The following TTC39B variants were observed in gnomAD, a reference collection of about 807,000 sequenced individuals.
The protein encoded by TTC39B is tetratricopeptide repeat protein 39B.
Under a neutral mutation model 96.6 loss-of-function variants are expected in TTC39B, and 92 were observed. The observed-to-expected ratio is 0.95, with a 90% CI of 0.80 to 1.13. The LOEUF is 1.13. TTC39B is among the 50% of genes most tolerant of loss of function. The pLI, the probability that TTC39B is intolerant of heterozygous loss-of-function variation, is 0.00. For missense variants in TTC39B, 955 were observed against 809.3 expected (o/e 1.18, Z -2.18); for synonymous variants, 367 against 299.4 (o/e 1.23, Z -2.33).
chr9:15,168,377 T>C (rs1817565543), exon 20 of TTC39B: 1 of 148,736 alleles, frequency 6.7e-6, no homozygotes, highest in Non-Finnish European at 1.5e-5. Context: ...TTTAACTAAA[T>C]GTATTTGAAT....
At chr9:15,273,543 G>C (rs1002327257) in intron 1 of TTC39B, among the ~76,000 whole-genome samples, 1 of 151,976 alleles carries the variant, frequency 6.6e-6, no homozygotes, top group African/African-American at 2.4e-5. Flanking sequence ...TTTCTCATAG[G>C]GATGACTTCA....
chr9:15,268,342 G>A (rs995086158), intron 1 of TTC39B, among the ~76,000 whole-genome samples: 5 of 152,056 alleles, frequency 3.3e-5, no homozygotes, highest in African/African-American at 9.7e-5. Flanking sequence ...AGCATCCTCT[G>A]GGCCTTCATT....
At chr9:15,201,135 A>G (rs1379439116) in intron 7 of TTC39B, among the ~76,000 whole-genome samples, 2 of 152,206 alleles carry the variant, frequency 1.3e-5, no homozygotes, top group South Asian at 2.1e-4. Flanking sequence ...TTAATGTTCT[A>G]ATTATTATAA....
Position 15,306,492 on chromosome 9 carries a change from C to G in TTC39B, c.240+592G>C, listed in dbSNP as rs565789265. On this transcript the variant is annotated intron_variant, in intron 1 of 19. Transcript: ENST00000512701. The surrounding 1 kb of genome is among the most constrained non-coding windows in gnomAD (Gnocchi z 5.1). ...GGCCCCGTGGAGGGAGAGGGAAGCA[C>G]CACAGCCTGGGCTGCGGCTCTAGCC... is the stretch of plus-strand genomic sequence containing the variant. Among the ~76,000 whole-genome samples the G allele has an allele frequency of 8.5e-5, 13 of 152,316 alleles. No homozygotes were observed. The Middle Eastern group carries it at 0.01, about 120-fold the overall frequency.
intron 1 of TTC39B, among the ~76,000 whole-genome samples, chr9:15,272,303 T>G (rs1823384623): frequency 6.6e-6 from 1 of 152,174 alleles, no homozygotes; most frequent in Non-Finnish European, 1.5e-5. Context: ...TTCTCCATAC[T>G]CACCATAAAT....
At chr9:15,244,028 A>G (rs1250607520) in intron 2 of TTC39B, among the ~76,000 whole-genome samples, 1 of 152,244 alleles carries the variant, frequency 6.6e-6, no homozygotes, top group Non-Finnish European at 1.5e-5. Context: ...CAAATTACTG[A>G]CCAAGTTGGA....
intron 1 of TTC39B, among the ~76,000 whole-genome samples, chr9:15,294,724 C>T (rs1303128588): frequency 6.6e-6 from 1 of 152,150 alleles, no homozygotes; most frequent in African/African-American, 2.4e-5. Flanking sequence ...CTTATTTATC[C>T]TACAGGACTC....
At chr9:15,271,573 T>C (rs1823354781) in intron 1 of TTC39B, among the ~76,000 whole-genome samples, 1 of 151,906 alleles carries the variant, frequency 6.6e-6, no homozygotes, top group Non-Finnish European at 1.5e-5. Flanking sequence ...CCTGAGACTC[T>C]CACGCCACCG....
At chr9:15,283,407 C>T (rs777566179) in intron 1 of TTC39B, among the ~76,000 whole-genome samples, 1 of 152,228 alleles carries the variant, frequency 6.6e-6, no homozygotes, top group African/African-American at 2.4e-5. Flanking sequence ...CACCTTTATG[C>T]ATTGTCTCAT....
chr9:15,229,527 T>C (rs2131418603), intron 2 of TTC39B, among the ~76,000 whole-genome samples: 1 of 152,362 alleles, frequency 6.6e-6, no homozygotes. Flanking sequence ...TTAACCAGTG[T>C]TGTGCATAAC....
At chr9:15,278,704 C>T (rs909269738) in intron 1 of TTC39B, among the ~76,000 whole-genome samples, 9 of 152,232 alleles carry the variant, frequency 5.9e-5, no homozygotes, top group African/African-American at 2.2e-4. Context: ...CAGAACTTTA[C>T]ACAGTTTCTT....
intron 7 of TTC39B, among the ~76,000 whole-genome samples, chr9:15,202,453 T>G (rs1819595016): frequency 6.6e-6 from 1 of 152,132 alleles, no homozygotes; most frequent in South Asian, 2.1e-4. Flanking sequence ...GGCTCACGTC[T>G]ATAATCCCAG....
intron 2 of TTC39B, among the ~76,000 whole-genome samples, chr9:15,239,591 A>G (rs1358944109): frequency 6.6e-6 from 1 of 152,260 alleles, no homozygotes; most frequent in East Asian, 1.9e-4. Context: ...AGCCACAAAA[A>G]GGAATGAAAT....
intron 1 of TTC39B, among the ~76,000 whole-genome samples, chr9:15,301,316 T>C (rs192202052): frequency 5.9e-4 from 90 of 152,324 alleles, no homozygotes; most frequent in Non-Finnish European, 1.0e-3. Flanking sequence ...AACCCAAAGA[T>C]AGAAATAGTA....
chr9:15,238,704 G>T (rs1821899027), intron 2 of TTC39B, among the ~76,000 whole-genome samples: 1 of 152,136 alleles, frequency 6.6e-6, no homozygotes, highest in Admixed American at 6.5e-5. Context: ...TGACCATATT[G>T]GCTGGGTGTG....
intron 2 of TTC39B, among the ~76,000 whole-genome samples, chr9:15,229,919 C>G (rs899185013): frequency 3.3e-5 from 5 of 152,264 alleles, no homozygotes; most frequent in Admixed American, 6.5e-5. Flanking sequence ...ACAAGCAAGT[C>G]CTGCTGGAGT....
intron 2 of TTC39B, among the ~76,000 whole-genome samples, chr9:15,246,928 C>T (rs1023283667): frequency 6.6e-6 from 1 of 152,252 alleles, no homozygotes; most frequent in Non-Finnish European, 1.5e-5. Context: ...CTACTAAGCT[C>T]TGTGGTGATT....
At chr9:15,276,526 T>C (rs890158735) in intron 1 of TTC39B, among the ~76,000 whole-genome samples, 41 of 152,304 alleles carry the variant, frequency 2.7e-4, no homozygotes, top group African/African-American at 9.6e-4. Flanking sequence ...AAGCACAAAA[T>C]ACTCCTGGAT....
chr9:15,191,285 T>C (rs371242351), intron 9 of TTC39B, 30 bp from the exon 10 acceptor site: 58 of 1,497,458 alleles, frequency 3.9e-5, no homozygotes, highest in Non-Finnish European at 4.7e-5. Context: ...AGTGTACTTA[T>C]GTGTTAGTGT....
Sources: allele counts gnomAD v4.1 joint callset (sites outside exome capture counted in the v4.1 genomes callset), GRCh38; gene constraint gnomAD v4.1.1; non-coding constraint Gnocchi (gnomAD v3.1); transcripts MANE v1.5; gene names NCBI Gene and HGNC (gene_info 2026-07-23, HGNC 2026-07-21).